The following PGAM5 variants were observed in gnomAD, a reference collection of about 807,000 sequenced individuals.
The protein encoded by PGAM5 is PGAM family member 5, mitochondrial serine/threonine protein phosphatase.
A neutral mutation model predicts 30.6 loss-of-function variants in PGAM5; 25 were observed. That is an observed-to-expected ratio of 0.82 (90% confidence interval 0.60 to 1.14). The LOEUF (loss-of-function observed/expected upper bound fraction) is 1.14, where lower values mean the gene tolerates loss of function less well. Among genes scored for constraint, PGAM5 ranks in the 50% most tolerant of loss-of-function variants. The probability of loss-of-function intolerance (pLI) is 0.00; values close to 1 mark genes in which losing one functional copy is unlikely to be tolerated. For missense variants in PGAM5, 384 were observed against 408.5 expected (o/e 0.94, Z 0.52); for synonymous variants, 201 against 179.1 (o/e 1.12, Z -0.98).
intron 1 of PGAM5, among the ~76,000 whole-genome samples, chr12:132,714,071 G>A (rs2043549250): frequency 6.6e-6 from 1 of 152,210 alleles, no homozygotes; most frequent in South Asian, 2.1e-4. Flanking sequence ...AGACTGGAGT[G>A]CAGTGGCACG....
At position 132,711,007 on chromosome 12, in the gene PGAM5, C is replaced by A; in HGVS notation, c.131C>A (p.Pro44Gln). The A allele has an allele frequency of 8.3e-7, 1 of 1,210,630 alleles. No individual in the cohort carries two copies. Among genetic ancestry groups the A allele is most frequent in the African/African-American group, 1.6e-5 (1 of 63,420 alleles). 75.0% of individuals were successfully genotyped at this position (1,210,630 alleles called of 1,614,324 possible). A position where few individuals can be genotyped will look rare whatever the true frequency, so the allele number is the denominator to read the frequency against. Residue 44 changes from proline (P) to glutamine (Q), a missense_variant, in exon 1 of 6, where the codon CCG becomes CAG. Pro to Gln is a moderately conservative substitution (Grantham distance 76, BLOSUM62 -1). Transcript: ENST00000498926. The part of the protein sequence containing the change: ...GGDAEPRPAE[P>Q]PAWAGGARPG... ...GACGCGGAGCCACGCCCGGCTGAGC[C>A]GCCGGCCTGGGCGGGGGGCGCGCGG...
chr12:132,721,335 T>C lies in PGAM5; in HGVS notation c.*507T>C, dbSNP rs7486982. The C allele has an allele frequency of 0.13, 19,897 of 152,462 alleles. 1,982 individuals are homozygous for C. Among genetic ancestry groups the C allele is most frequent in the East Asian group, 0.52 (2,666 of 5,158 alleles). 9.4% of individuals were successfully genotyped at this position (152,462 alleles called of 1,614,324 possible). On this transcript the variant is annotated 3_prime_UTR_variant, in exon 6 of 6. Transcript: ENST00000498926. ...CTGGGCACAGTGGCTCACACCTGTA[T>C]TCCCAGCTACTCAGGAGGCCAGGGT... is the stretch of plus-strand genomic sequence containing the variant.
chr12:132,713,565 C>A (rs1405729294), intron 1 of PGAM5, among the ~76,000 whole-genome samples: 8 of 152,314 alleles, frequency 5.3e-5, no homozygotes. Flanking sequence ...CAAACGGAGC[C>A]CTTGAGTCAC....
intron 5 of PGAM5, chr12:132,719,224 G>T: frequency 8.7e-7 from 1 of 1,143,200 alleles, no homozygotes; most frequent in South Asian, 2.0e-5. Context: ...CAGCTGAGGG[G>T]GCCCTCTTGA....
intron 5 of PGAM5, 142 bp downstream of exon 5, chr12:132,718,262 C>A: frequency 9.2e-7 from 1 of 1,082,622 alleles, no homozygotes; most frequent in Non-Finnish European, 1.3e-6. Context: ...CCACTTCCCG[C>A]GAGTCCTAGT....
chr12:132,712,374 G>A (rs1425177945), intron 1 of PGAM5, among the ~76,000 whole-genome samples: 2 of 152,190 alleles, frequency 1.3e-5, no homozygotes, highest in African/African-American at 2.4e-5. Flanking sequence ...CTGGTCAGGG[G>A]TTTGGTAGAA....
chr12:132,716,309 T>A lies in PGAM5; in HGVS notation c.371-1130T>A, dbSNP rs2043577228. On this transcript the variant is annotated intron_variant, in intron 2 of 5. Coordinates refer to ENST00000498926, the MANE Select transcript of PGAM5 (RefSeq NM_001170543.2). ...ACCGTGTTAGCCAGGATGGTCTCTA[T>A]CTCCTGACCTTGTGATCCACCCGCC... Among the ~76,000 whole-genome samples, 9 of 152,038 alleles carry A rather than the reference T, an allele frequency of 5.9e-5. No homozygotes were observed. In the South Asian group the frequency reaches 1.9e-3, roughly 32 times the overall value.
chr12:132,719,343 G>C (rs1048464193), intron 5 of PGAM5, among the ~76,000 whole-genome samples: 1 of 152,170 alleles, frequency 6.6e-6, no homozygotes, highest in African/African-American at 2.4e-5. Context: ...CACCAGGGCT[G>C]GGGCTGCTGG....
At position 132,718,067 on chromosome 12, in the gene PGAM5, C is replaced by T. The variant is rs2136085539; in HGVS notation, c.666C>T (p.Asp222=). 2 of 1,612,844 alleles carry T rather than the reference C, an allele frequency of 1.2e-6. No homozygotes were observed. Among genetic ancestry groups the T allele is most frequent in the Non-Finnish European group, 8.5e-7 (1 of 1,179,990 alleles). ...GCGCAGATGCCAGGCAGGAGGAGGA[C>T]AGTTACGAGATCTTCATCTGTCACG... ...IHRADARQEE[D]SYEIFICHAN... Residue 222 remains aspartate (D), a synonymous_variant, in exon 5 of 6, where the codon GAC becomes GAT. Transcript: ENST00000498926.
chr12:132,711,818 A>C (rs1245779378), intron 1 of PGAM5: 1 of 152,300 alleles, frequency 6.6e-6, no homozygotes, highest in East Asian at 1.9e-4. Context: ...CAGGTTTTTA[A>C]CATTAGTTAT....
chr12:132,717,669 C>G (rs775031357), intron 3 of PGAM5, 41 bp from the exon 4 acceptor site: 29 of 1,565,824 alleles, frequency 1.9e-5, no homozygotes, highest in Non-Finnish European at 2.3e-5. Flanking sequence ...TCTCCGCCGG[C>G]GGGGCCGCCT....
intron 1 of PGAM5, among the ~76,000 whole-genome samples, chr12:132,711,947 G>T (rs2043527038): frequency 6.6e-6 from 1 of 152,182 alleles, no homozygotes; most frequent in African/African-American, 2.4e-5. Context: ...TTCTGTTTCT[G>T]TCGGCCAGGA....
intron 1 of PGAM5, among the ~76,000 whole-genome samples, chr12:132,711,978 G>C (rs1166367414): frequency 6.6e-6 from 1 of 152,138 alleles, no homozygotes; most frequent in East Asian, 1.9e-4. Flanking sequence ...GGCAAGGATG[G>C]TTTTCCCAGT....
At chr12:132,719,066 A>G in intron 5 of PGAM5, 1 of 1,413,980 alleles carries the variant, frequency 7.1e-7, no homozygotes, top group Non-Finnish European at 9.2e-7. Flanking sequence ...GGCTGCAGCC[A>G]CGTTAGAGGG....
rs747772196 is a variant in PGAM5 at position 132,714,863 on chromosome 12, A to G, written c.197A>G (p.Glu66Gly). Residue 66 changes from glutamate (E) to glycine (G), a missense_variant, in exon 2 of 6, where the codon GAA becomes GGA. Physicochemically the swap from Glu to Gly is moderately conservative, Grantham distance 98. Coordinates refer to ENST00000498926, the MANE Select transcript of PGAM5 (RefSeq NM_001170543.2). ...ATCTTGTATTTCAACATCAGGCGAGAACCACTGTCTCTGATCAACGTGCGG... is the reference window on the plus strand; with the variant it reads ...ATCTTGTATTTCAACATCAGGCGAGGACCACTGTCTCTGATCAACGTGCGG... ...GVWDPNWDRR[E>G]PLSLINVRKR... The G allele has an allele frequency of 6.2e-7, 1 of 1,613,666 alleles. No individual in the cohort carries two copies. Among genetic ancestry groups the G allele is most frequent in the Non-Finnish European group, 8.5e-7 (1 of 1,179,926 alleles).
chr12:132,711,305 C>A, intron 1 of PGAM5: 1 of 280,024 alleles, frequency 3.6e-6, no homozygotes. Context: ...CGCCCTTCTC[C>A]CCGCCCCTGC....
At chr12:132,720,259 A>C (rs545748581) in intron 5 of PGAM5, among the ~76,000 whole-genome samples, 10 of 147,252 alleles carry the variant, frequency 6.8e-5, no homozygotes, top group African/African-American at 2.5e-4. Context: ...GCCCCCTGGC[A>C]CAGCCTGGCC....
intron 4 of PGAM5, 81 bp from the exon 5 acceptor site, chr12:132,717,906 C>T (rs146140910): frequency 0.028 from 45,053 of 1,599,130 alleles, 793 homozygotes; most frequent in Non-Finnish European, 0.034. Context: ...CGGGCTTCCC[C>T]GGGCGGCGAT....
chr12:132,718,758 G>A (rs375207128), intron 5 of PGAM5: 3 of 1,613,270 alleles, frequency 1.9e-6, no homozygotes, highest in Admixed American at 3.3e-5. Flanking sequence ...GATCCCACTG[G>A]CAGCATCCCG....
Sources: allele counts gnomAD v4.1 joint callset (sites outside exome capture counted in the v4.1 genomes callset), GRCh38; gene constraint gnomAD v4.1.1; transcripts MANE v1.5; gene names NCBI Gene and HGNC (gene_info 2026-07-23, HGNC 2026-07-21).